ZNF157: variants seen among roughly 807,000 people sequenced by gnomAD.
ZNF157 encodes the protein zinc finger protein 22.
In ZNF157, 8 loss-of-function variants were observed where a neutral mutation model predicts 9.4. The observed-to-expected ratio is 0.85, with a 90% confidence interval of 0.50 to 1.53. ZNF157 has a LOEUF of 1.53. Among genes scored for constraint, ZNF157 ranks in the 40% most tolerant of loss-of-function variants. The pLI is 0.00. For missense variants in ZNF157, 316 were observed against 385.2 expected (o/e 0.82, Z 1.50); for synonymous variants, 120 against 130.8 (o/e 0.92, Z 0.56).
intron 1 of ZNF157, among the ~76,000 whole-genome samples, chrX:47,403,356 G>A (rs1019280264): frequency 4.5e-5 from 5 of 110,288 alleles, no homozygotes; most frequent in African/African-American, 9.9e-5. Context: ...TTTTTGAGAT[G>A]GGGTCTCACT....
chrX:47,386,365 C>A (rs1453893143), intron 1 of ZNF157, among the ~76,000 whole-genome samples: 1 of 111,073 alleles, frequency 9.0e-6, no homozygotes, highest in Non-Finnish European at 1.9e-5. Flanking sequence ...GCCATCTATC[C>A]CCTCGAGGTT....
At chrX:47,397,191 CTCT>C (rs1156783025) in intron 1 of ZNF157, among the ~76,000 whole-genome samples, 1 of 107,928 alleles carries the variant, frequency 9.3e-6, no homozygotes, top group Non-Finnish European at 1.9e-5. Context: ...TCCAGGCCTA[CTCT>C]TCTTTATCTT....
intron 1 of ZNF157, chrX:47,391,033 G>C (rs1350244506): frequency 9.0e-6 from 1 of 111,390 alleles, no homozygotes; most frequent in Admixed American, 9.7e-5. Context: ...ACCTTTTCAA[G>C]TATTTTGGTT....
intron 3 of ZNF157, among the ~76,000 whole-genome samples, chrX:47,412,099 C>G (rs1011273824): frequency 9.0e-6 from 1 of 111,341 alleles, no homozygotes; most frequent in Non-Finnish European, 1.9e-5. Context: ...GCTGGGATTA[C>G]AGGCGGGCAC....
chrX:47,403,892 G>A (rs771033411), intron 1 of ZNF157, among the ~76,000 whole-genome samples: 3 of 111,561 alleles, frequency 2.7e-5, no homozygotes, highest in Non-Finnish European at 3.8e-5. Context: ...AAAAGTTGCC[G>A]GGCACAGAGG....
Position 47,413,955 on chromosome X carries a change from T to G in ZNF157, c.*361T>G, listed in dbSNP as rs2055975303. 1.7e-5 allele frequency: 2 copies of G among 119,072 alleles called. No individual in the cohort carries two copies. The highest frequency in any genetic ancestry group is 1.9e-4 in the Admixed American group (2 of 10,624). 9.8% of individuals were successfully genotyped at this position (119,072 alleles called of 1,213,427 possible). On this transcript the variant is annotated 3_prime_UTR_variant, in exon 4 of 4. Coordinates refer to ENST00000377073, the MANE Select transcript of ZNF157 (RefSeq NM_003446.4). ...GCAAATATCTTCTCCCAGACTGTCGTTGGTTTTTTAAATTTTGCCATCTGT... is the reference window on the plus strand; with the variant it reads ...GCAAATATCTTCTCCCAGACTGTCGGTGGTTTTTTAAATTTTGCCATCTGT...
intron 1 of ZNF157, among the ~76,000 whole-genome samples, chrX:47,376,546 G>A (rs1282271434): frequency 2.7e-5 from 3 of 111,118 alleles, no homozygotes; most frequent in Non-Finnish European, 5.7e-5. Context: ...AACCTGAGAG[G>A]CAGAGGTTGA....
At position 47,410,679 on chromosome X, in the gene ZNF157, G is replaced by A. The variant is rs1304112355; in HGVS notation, c.200-1G>A. 8.3e-7 allele frequency: 1 copy of A among 1,202,544 alleles called. No homozygotes were observed. Among genetic ancestry groups the A allele is most frequent in the Non-Finnish European group, 1.1e-6 (1 of 890,832 alleles). ...CGTCCTGTGCCATTTCCCATTAACA[G>A]GCCTCTGCGTGGCCAAACCAGAGAT... On this transcript the variant is annotated splice_acceptor_variant, in intron 2 of 3. Transcript: ENST00000377073. LOFTEE classifies it high-confidence loss of function.
chrX:47,392,329 T>C (rs1223525910), intron 1 of ZNF157: 1 of 124,887 alleles, frequency 8.0e-6, no homozygotes, highest in African/African-American at 3.2e-5. Context: ...ATGTTACTCT[T>C]GGCCACTGTG....
At chrX:47,381,061 CAGG>C (rs2055861416) in intron 1 of ZNF157, among the ~76,000 whole-genome samples, 1 of 29,535 alleles carries the variant, frequency 3.4e-5, no homozygotes, top group Non-Finnish European at 6.5e-5. Context: ...GGAGGAAGAG[CAGG>C]AGGAGGAGGA....
At chrX:47,403,149 C>T (rs1002094785) in intron 1 of ZNF157, among the ~76,000 whole-genome samples, 1 of 108,448 alleles carries the variant, frequency 9.2e-6, no homozygotes, top group Non-Finnish European at 1.9e-5. Context: ...TGGTGGCAGA[C>T]ACCTGTAATC....
chrX:47,377,811 A>G (rs764207332), intron 1 of ZNF157, among the ~76,000 whole-genome samples: 1 of 106,104 alleles, frequency 9.4e-6, no homozygotes, highest in African/African-American at 3.5e-5. Context: ...GCAATTCTCT[A>G]GTGACATGAT....
At chrX:47,397,369 A>G (rs1461213994) in intron 1 of ZNF157, among the ~76,000 whole-genome samples, 1 of 105,747 alleles carries the variant, frequency 9.5e-6, no homozygotes, top group Admixed American at 1.0e-4. Flanking sequence ...CAGCCTCCCA[A>G]GTAGCTGGGA....
intron 1 of ZNF157, among the ~76,000 whole-genome samples, chrX:47,399,351 A>G (rs1411773524): frequency 9.0e-6 from 1 of 111,512 alleles, no homozygotes; most frequent in Non-Finnish European, 1.9e-5. Context: ...GCCCATAGGA[A>G]TTTTGGCATA....
chrX:47,397,729 T>A (rs2055918117), intron 1 of ZNF157, among the ~76,000 whole-genome samples: 1 of 111,521 alleles, frequency 9.0e-6, no homozygotes, highest in Non-Finnish European at 1.9e-5. Context: ...GCCAATTTCA[T>A]CTTGGTAGTT....
chrX:47,412,974 C>G lies in ZNF157; in HGVS notation c.901C>G (p.Pro301Ala), dbSNP rs750068685. 3.3e-6 allele frequency: 4 copies of G among 1,210,570 alleles called. No homozygotes were observed. In the East Asian group the frequency reaches 8.9e-5, roughly 27 times the overall value. The change falls in exon 4 of 4, where the codon CCT (proline) becomes GCT (alanine). Residue 301 changes from proline to alanine, a missense_variant. Physicochemically the swap from Pro to Ala is conservative, Grantham distance 27 (BLOSUM62 -1). This residue lies in a region of ZNF157 where 167 missense variants were observed against 183.6 expected (regional missense o/e 0.91). Coordinates refer to ENST00000377073, the MANE Select transcript of ZNF157 (RefSeq NM_003446.4). Reference sequence around the variant, plus strand: ...CCACAGAACTCATACAGGGGAGAAACCTTATGAATGTGGGGAGTGTGGGAA... The same window carrying G: ...CCACAGAACTCATACAGGGGAGAAAGCTTATGAATGTGGGGAGTGTGGGAA... ...QHHRTHTGEK[P>A]YECGECGKNF...
intron 1 of ZNF157, among the ~76,000 whole-genome samples, chrX:47,372,495 T>A (rs1412002285): frequency 2.3e-5 from 1 of 42,664 alleles, no homozygotes; most frequent in Non-Finnish European, 4.2e-5. Flanking sequence ...ATTTGTATTC[T>A]TTTTTTTTTT....
At position 47,413,465 on chromosome X, in the gene ZNF157, C is replaced by G. The variant is rs2055973518; in HGVS notation, c.1392C>G (p.His464Gln). ...KVRLIEHQRI[H>Q]TGERPFECQE... ...GCCTCATTGAACATCAGCGAATTCA[C>G]ACAGGAGAGAGACCCTTTGAGTGTC... is the stretch of plus-strand genomic sequence containing the variant. Residue 464 changes from histidine (H) to glutamine (Q), a missense_variant, in exon 4 of 4, where the codon CAC becomes CAG. This residue lies in a region of ZNF157 where 167 missense variants were observed against 183.6 expected (regional missense o/e 0.91). Transcript: ENST00000377073. 1 of 1,212,049 alleles carries G rather than the reference C, an allele frequency of 8.3e-7. No homozygotes were observed. The highest frequency in any genetic ancestry group is 1.1e-6 in the Non-Finnish European group (1 of 895,605).
At chrX:47,381,658 T>A (rs1274210555) in intron 1 of ZNF157, among the ~76,000 whole-genome samples, 1 of 111,761 alleles carries the variant, frequency 8.9e-6, no homozygotes, top group African/African-American at 3.3e-5. Context: ...TTTACTGAAA[T>A]GGATTGTGAG....
Sources: allele counts gnomAD v4.1 joint callset (sites outside exome capture counted in the v4.1 genomes callset), GRCh38; gene constraint gnomAD v4.1.1; regional missense constraint gnomAD v4.1.1; transcripts MANE v1.5; gene names NCBI Gene and HGNC (gene_info 2026-07-23, HGNC 2026-07-21).